Variants in NUP210L observed in about 807,000 individuals in gnomAD.
The protein encoded by NUP210L is nucleoporin 210 like, also known as nuclear pore membrane glycoprotein 210-like.
A neutral mutation model predicts 208.5 loss-of-function variants in NUP210L; 74 were observed. The observed-to-expected ratio is 0.35, with a 90% CI of 0.29 to 0.43. The LOEUF is 0.43. Among genes scored for constraint, NUP210L ranks in the 20% least tolerant of loss-of-function variants. The pLI is 1.00. For synonymous variants in NUP210L, 780 were observed against 816.9 expected (o/e 0.95, Z 0.77); for missense variants, 1,843 against 2,289.4 (o/e 0.81, Z 3.98).
intron 30 of NUP210L, 27 bp downstream of exon 30, chr1:154,025,515 T>A: frequency 7.0e-7 from 1 of 1,435,876 alleles, no homozygotes; most frequent in African/African-American, 1.4e-5. Flanking sequence ...TATTTATTTG[T>A]TTTTTTTAGT....
intron 22 of NUP210L, among the ~76,000 whole-genome samples, chr1:154,057,690 ATGTGTGTGTGTGTGTGTG>A (rs4060104): frequency 1.8e-4 from 22 of 125,484 alleles, no homozygotes; most frequent in Admixed American, 6.8e-4. Context: ...AGGACCTCGA[ATGTGTGTGTGTGTGTGTG>A]TGTGTGTGTG....
intron 27 of NUP210L, among the ~76,000 whole-genome samples, chr1:154,045,238 G>T (rs988810707): frequency 2.6e-5 from 4 of 152,102 alleles, no homozygotes; most frequent in African/African-American, 9.7e-5. Context: ...AGTAGGGTGG[G>T]CTGGGAGCAT....
chr1:154,012,258 C>G, exon 34 of NUP210L: 1 of 1,613,808 alleles, frequency 6.2e-7, no homozygotes, highest in Non-Finnish European at 8.5e-7. Context: ...AAGATTGACA[C>G]CATTTCTGCC....
chr1:154,003,400 G>T (rs1440961872), intron 35 of NUP210L, among the ~76,000 whole-genome samples: 1 of 151,542 alleles, frequency 6.6e-6, no homozygotes, highest in Non-Finnish European at 1.5e-5. Flanking sequence ...TAGAGACGAG[G>T]TTTTACCTTG....
chr1:154,060,226 G>A (rs1037862509), intron 20 of NUP210L, among the ~76,000 whole-genome samples: 31 of 152,256 alleles, frequency 2.0e-4, no homozygotes, highest in African/African-American at 4.8e-5. Flanking sequence ...GCAACAGAGC[G>A]AGACTCTATC....
intron 2 of NUP210L, 43 bp downstream of exon 2, chr1:154,152,693 A>G (rs769415630): frequency 6.4e-7 from 1 of 1,566,190 alleles, no homozygotes; most frequent in South Asian, 1.1e-5. Flanking sequence ...AGATTATTCT[A>G]CCCCAGAAGA....
chr1:154,070,437 A>G (rs372973917), exon 17 of NUP210L: 40 of 1,599,318 alleles, frequency 2.5e-5, no homozygotes, highest in Non-Finnish European at 3.2e-5. Context: ...TAGTTCCAGG[A>G]CTGTGTCCCT....
At chr1:154,093,207 T>C (rs1279732173) in intron 15 of NUP210L, among the ~76,000 whole-genome samples, 4 of 152,154 alleles carry the variant, frequency 2.6e-5, no homozygotes, top group African/African-American at 9.7e-5. Context: ...GGTGGGCAGA[T>C]CACCTGAGGT....
chr1:153,996,837 T>C (rs1649900118), intron 37 of NUP210L, among the ~76,000 whole-genome samples: 1 of 150,340 alleles, frequency 6.7e-6, no homozygotes, highest in South Asian at 2.1e-4. Context: ...TCAATAAAAC[T>C]GTAGACTTGC....
chr1:154,019,131 T>G, intron 32 of NUP210L, 62 bp from the exon 33 acceptor site: 1 of 1,550,304 alleles, frequency 6.5e-7, no homozygotes, highest in Non-Finnish European at 8.8e-7. Flanking sequence ...TCTGGACTTA[T>G]TCATACTCCA....
rs537885195 is a variant in NUP210L, at chr1:154,121,214, T to C, written c.1327-2406A>G. On this transcript the variant is annotated intron_variant, in intron 10 of 39. Transcript: ENST00000368559. ...CCAGTTGGTTACCTAAAGCTTTGCCTTCTCTATGCACTTGACTGGAGTGTG... is the reference window on the plus strand; with the variant it reads ...CCAGTTGGTTACCTAAAGCTTTGCCCTCTCTATGCACTTGACTGGAGTGTG... 2.4e-4 allele frequency among the ~76,000 whole-genome samples: 37 copies of C among 152,340 alleles called. 1 individual carries two copies. The highest frequency in any genetic ancestry group is 2.9e-4 in the Non-Finnish European group (20 of 68,028).
intron 17 of NUP210L, among the ~76,000 whole-genome samples, chr1:154,065,416 G>A (rs1328388329): frequency 6.6e-6 from 1 of 152,020 alleles, no homozygotes; most frequent in African/African-American, 2.4e-5. Flanking sequence ...ATAATATCCT[G>A]TCTCTAAAGA....
intron 17 of NUP210L, among the ~76,000 whole-genome samples, chr1:154,066,786 A>G (rs1654443893): frequency 6.6e-6 from 1 of 152,168 alleles, no homozygotes; most frequent in African/African-American, 2.4e-5. Context: ...CAGAAATACA[A>G]ACTACCATCA....
In NUP210L at chr1:154,142,151, C is replaced by CA. The variant is rs755281421; in HGVS notation, c.473-628dup. On this transcript the variant is annotated intron_variant, in intron 3 of 39. Transcript: ENST00000368559. ...CAGCCTGAGTGACAGACTCTGTATC[C>CA]AAAAAAAAAAAAAAGCTTCCAGAAT... Among the ~76,000 whole-genome samples the CA allele has an allele frequency of 1.8e-3, 174 of 98,326 alleles. No homozygotes were observed. The East Asian group carries it at 0.018, about 10-fold the overall frequency. 64.5% of individuals were successfully genotyped at this position (98,326 alleles called of 152,430 possible).
chr1:154,075,788 T>TA (rs1655000555), intron 16 of NUP210L, among the ~76,000 whole-genome samples: 1 of 144,050 alleles, frequency 6.9e-6, no homozygotes, highest in Admixed American at 7.0e-5. Context: ...CAAATACTTC[T>TA]TTTTTTTTTT....
chr1:154,028,637 T>A (rs1408622109), intron 28 of NUP210L, among the ~76,000 whole-genome samples: 1 of 152,152 alleles, frequency 6.6e-6, no homozygotes, highest in African/African-American at 2.4e-5. Context: ...ATAATATCTA[T>A]GTCAGGTGGA....
chr1:154,001,588 A>G, intron 36 of NUP210L, 147 bp downstream of exon 36: 1 of 896,066 alleles, frequency 1.1e-6, no homozygotes, highest in Non-Finnish European at 1.7e-6. Flanking sequence ...TATGAAGGAG[A>G]TGGGTTTTCT....
Position 154,127,433 on chromosome 1 carries a change from G to A in NUP210L, c.1079-16C>T. On this transcript the variant is annotated splice_polypyrimidine_tract_variant and intron_variant, in intron 8 of 39. Coordinates refer to ENST00000368559, the Ensembl canonical transcript of NUP210L. ...ACAGTGAAACCTATACACAAATCAA[G>A]AAACAAAAATATTAGAAGAGGCTAA... 1 of 1,233,716 alleles carries A rather than the reference G, an allele frequency of 8.1e-7. No individual in the cohort carries two copies. The highest frequency in any genetic ancestry group is 1.5e-5 in the African/African-American group (1 of 65,476). 76.4% of individuals were successfully genotyped at this position (1,233,716 alleles called of 1,614,324 possible). A position where few individuals can be genotyped will look rare whatever the true frequency, so the allele number is the denominator to read the frequency against.
At chr1:154,047,514 C>T (rs1653250482) in intron 25 of NUP210L, among the ~76,000 whole-genome samples, 1 of 152,220 alleles carries the variant, frequency 6.6e-6, no homozygotes, top group Non-Finnish European at 1.5e-5. Flanking sequence ...ACACCTGGCC[C>T]ACTCAGGGTG....
Sources: gnomAD v4.1 joint callset for allele counts (sites outside exome capture counted in the v4.1 genomes callset) on GRCh38, gnomAD v4.1.1 for gene constraint, MANE v1.5 for transcripts, NCBI Gene and HGNC (gene_info 2026-07-23, HGNC 2026-07-21) for gene names.